Variants in RTN1 observed in about 807,000 individuals in gnomAD.
RTN1 encodes the protein reticulon-1.
Under a neutral mutation model 65.5 loss-of-function variants are expected in RTN1, and 25 were observed. The observed-to-expected ratio is 0.38, with a 90% CI of 0.28 to 0.53. RTN1 has a LOEUF of 0.53. Ranked by LOEUF, RTN1 falls within the 20% of genes least tolerant of loss-of-function variation. RTN1 has a pLI of 0.79. For synonymous variants in RTN1, 471 were observed against 447.6 expected (o/e 1.05, Z -0.66); for missense variants, 983 against 1,025.4 (o/e 0.96, Z 0.57).
At chr14:59,842,683 T>C (rs989660237) in intron 1 of RTN1, among the ~76,000 whole-genome samples, 1 of 152,210 alleles carries the variant, frequency 6.6e-6, no homozygotes, top group African/African-American at 2.4e-5. Context: ...TGAATAGTTA[T>C]GTGGTTTTAA....
At chr14:59,710,828 T>G (rs2139457401) in intron 3 of RTN1, among the ~76,000 whole-genome samples, 1 of 152,360 alleles carries the variant, frequency 6.6e-6, no homozygotes, top group East Asian at 1.9e-4. Flanking sequence ...CCATATCTAG[T>G]ACAGAAAAAC....
intron 3 of RTN1, among the ~76,000 whole-genome samples, chr14:59,638,351 C>A (rs1400673928): frequency 6.6e-6 from 1 of 152,150 alleles, no homozygotes; most frequent in East Asian, 1.9e-4. Context: ...AACAGTAGTT[C>A]TCAACAGTTA....
chr14:59,822,567 G>A (rs188380701), intron 1 of RTN1, among the ~76,000 whole-genome samples: 5 of 152,260 alleles, frequency 3.3e-5, no homozygotes, highest in Admixed American at 2.6e-4. Context: ...GGGTTGGTTT[G>A]CTCATGTTGT....
rs1312079947 is a variant in RTN1, at chr14:59,803,386, G to A, written c.242-56905C>T. On this transcript the variant is annotated intron_variant, in intron 1 of 8. Transcript: ENST00000267484. The surrounding 1 kb of genome is among the most constrained non-coding windows in gnomAD (Gnocchi z 5.6). ...TCAGGAGGGGAACTAGTATCTCGGG[G>A]AATGAATGACCTACTTCCCTCAAAA... Among the ~76,000 whole-genome samples the A allele has an allele frequency of 1.3e-5, 2 of 152,136 alleles. No individual in the cohort carries two copies. Among genetic ancestry groups the A allele is most frequent in the Non-Finnish European group, 2.9e-5 (2 of 68,024 alleles).
intron 3 of RTN1, among the ~76,000 whole-genome samples, chr14:59,692,564 C>G (rs1167612947): frequency 3.3e-5 from 5 of 151,944 alleles, no homozygotes. Flanking sequence ...AAAAATGATT[C>G]TAAAATTCAT....
chr14:59,663,298 A>G (rs1464025609), intron 3 of RTN1, among the ~76,000 whole-genome samples: 7 of 152,156 alleles, frequency 4.6e-5, no homozygotes, highest in South Asian at 2.1e-4. Context: ...TGTAAGACCT[A>G]AAACCATGAA....
chr14:59,722,721 A>T (rs952141057), intron 3 of RTN1, among the ~76,000 whole-genome samples: 10 of 146,656 alleles, frequency 6.8e-5, no homozygotes, highest in Admixed American at 4.8e-4. Context: ...GAACAACAAT[A>T]AAAAAAAAAC....
intron 1 of RTN1, among the ~76,000 whole-genome samples, chr14:59,789,416 T>A (rs1184093607): frequency 6.6e-6 from 1 of 152,150 alleles, no homozygotes; most frequent in Non-Finnish European, 1.5e-5. Flanking sequence ...TTGAATTTTA[T>A]CAAGTGCCTC....
intron 3 of RTN1, among the ~76,000 whole-genome samples, chr14:59,646,613 C>A (rs1196174096): frequency 6.6e-6 from 1 of 152,264 alleles, no homozygotes; most frequent in East Asian, 1.9e-4. Context: ...ACCCTACAAG[C>A]CTGAAGAGAT....
At chr14:59,864,860 A>G (rs998560577) in intron 1 of RTN1, among the ~76,000 whole-genome samples, 17 of 152,154 alleles carry the variant, frequency 1.1e-4, no homozygotes, top group Admixed American at 1.0e-3. Context: ...AATAATTTTA[A>G]TAAACAGATT....
In RTN1 at chr14:59,630,368, A is replaced by C. The variant is rs1022133608; in HGVS notation, c.1766-22876T>G. ...AAGCATGCACAGGTCCCACAGGTGA[A>C]ATGATGCACAATGGACGAGTCCAGG... is the stretch of plus-strand genomic sequence containing the variant. On this transcript the variant is annotated intron_variant, in intron 3 of 8. Transcript: ENST00000267484. The C allele has an allele frequency of 5.0e-6, 8 of 1,588,064 alleles. No individual in the cohort carries two copies. In the African/African-American group the frequency reaches 6.7e-5, roughly 13 times the overall value.
intron 3 of RTN1, among the ~76,000 whole-genome samples, chr14:59,619,948 G>A (rs949900002): frequency 1.3e-5 from 2 of 152,082 alleles, no homozygotes; most frequent in Non-Finnish European, 2.9e-5. Context: ...AAGGGGCTGG[G>A]TGGGGGGAAG....
At chr14:59,728,999 G>A (rs776349631) in intron 2 of RTN1, among the ~76,000 whole-genome samples, 17 of 152,142 alleles carry the variant, frequency 1.1e-4, no homozygotes, top group South Asian at 8.3e-4. Flanking sequence ...GTAGAGTAGG[G>A]TAAGGAAACA....
intron 3 of RTN1, among the ~76,000 whole-genome samples, chr14:59,611,794 T>C (rs1407423687): frequency 6.6e-6 from 1 of 152,200 alleles, no homozygotes; most frequent in African/African-American, 2.4e-5. Context: ...CTTGGAGTTC[T>C]TGGTTAGGGA....
chr14:59,749,461 TATCTA>T (rs1177906438), intron 1 of RTN1, among the ~76,000 whole-genome samples: 1 of 103,492 alleles, frequency 9.7e-6, no homozygotes, highest in Non-Finnish European at 1.7e-5. Flanking sequence ...TATCTATATA[TATCTA>T]ATCTATCTAT....
At chr14:59,710,850 A>G (rs1244290565) in intron 3 of RTN1, among the ~76,000 whole-genome samples, 1 of 152,254 alleles carries the variant, frequency 6.6e-6, no homozygotes, top group Non-Finnish European at 1.5e-5. Context: ...ATCCAATTAT[A>G]GAATGTGATA....
At chr14:59,750,094 T>TTATATATTATATATTATATATAA (rs1885420631) in intron 1 of RTN1, among the ~76,000 whole-genome samples, 2 of 59,312 alleles carry the variant, frequency 3.4e-5, no homozygotes, top group South Asian at 3.8e-4. Context: ...GACATATATA[T>TTATATATTATATATTATATATAA]TATATATTAT....
chr14:59,596,366 A>G lies in RTN1; in HGVS notation c.*379T>C, dbSNP rs1449355569. The G allele has an allele frequency of 6.0e-6, 1 of 166,258 alleles. No individual in the cohort carries two copies. The highest frequency in any genetic ancestry group is 2.4e-5 in the African/African-American group (1 of 41,806). The allele number at this position is 166,258 out of a possible 1,614,324, so 10.3% of individuals were successfully genotyped here. On this transcript the variant is annotated 3_prime_UTR_variant, in exon 9 of 9. Coordinates refer to ENST00000267484, the MANE Select transcript of RTN1 (RefSeq NM_021136.3). ...CAAGGACATATAAGCGATTTCCACT[A>G]TTGCATCAGAGCACTCGGCAGGAAA...
intron 1 of RTN1, among the ~76,000 whole-genome samples, chr14:59,862,626 G>A (rs1887730857): frequency 6.6e-6 from 1 of 152,046 alleles, no homozygotes; most frequent in Non-Finnish European, 1.5e-5. Flanking sequence ...TCTATATACT[G>A]CCTTGCATAT....
Sources: gnomAD v4.1 joint callset for allele counts (sites outside exome capture counted in the v4.1 genomes callset) on GRCh38, gnomAD v4.1.1 for gene constraint, Gnocchi (gnomAD v3.1) non-coding constraint, MANE v1.5 for transcripts, NCBI Gene and HGNC (gene_info 2026-07-23, HGNC 2026-07-21) for gene names.